GREB1L: variants seen among roughly 807,000 people sequenced by gnomAD.
GREB1L encodes the protein GREB1-like protein.
In GREB1L, 17 loss-of-function variants were observed where a neutral mutation model predicts 200.8. The ratio of observed to expected loss-of-function variants is 0.08; its 90% CI spans 0.06 to 0.13. The LOEUF (loss-of-function observed/expected upper bound fraction) is 0.13, where lower values mean the gene tolerates loss of function less well. GREB1L is among the 10% of genes least tolerant of loss of function. The probability of loss-of-function intolerance (pLI) is 1.00; values close to 1 mark genes in which losing one functional copy is unlikely to be tolerated. For synonymous variants in GREB1L, 789 were observed against 893.0 expected (o/e 0.88, Z 2.08); for missense variants, 1,657 against 2,367.7 (o/e 0.70, Z 6.23).
At position 21,477,374 on chromosome 18, in the gene GREB1L, T is replaced by G. The variant is rs1355577768; in HGVS notation, c.2556+18T>G. On this transcript the variant is annotated intron_variant, in intron 17 of 32. Coordinates refer to ENST00000424526, the MANE Select transcript of GREB1L (RefSeq NM_001142966.3). The stretch of plus-strand genomic sequence containing the variant: ...ATACTGGGGTGAGTCTCTTGCCTGC[T>G]GTCTGATACACTGTCATGTTCTCAG... 2 of 1,523,572 alleles carry G rather than the reference T, an allele frequency of 1.3e-6. No homozygotes were observed. The highest frequency in any genetic ancestry group is 2.5e-5 in the East Asian group (1 of 40,520). The allele number at this position is 1,523,572 out of a possible 1,614,324, so 94.4% of individuals were successfully genotyped here. A position where few individuals can be genotyped will look rare whatever the true frequency, so the allele number is the denominator to read the frequency against.
intron 15 of GREB1L, among the ~76,000 whole-genome samples, chr18:21,465,644 T>C (rs2035235142): frequency 6.6e-6 from 1 of 152,190 alleles, no homozygotes; most frequent in Admixed American, 6.6e-5. Flanking sequence ...CAAAATAGAA[T>C]GTGAAGTTAA....
At chr18:21,459,784 A>G (rs1000767636) in intron 15 of GREB1L, among the ~76,000 whole-genome samples, 2 of 152,228 alleles carry the variant, frequency 1.3e-5, no homozygotes, top group Non-Finnish European at 2.9e-5. Flanking sequence ...ACTAAGACAC[A>G]GGGAACAGGT....
chr18:21,315,299 C>T lies in GREB1L; in HGVS notation c.-119-50728C>T, dbSNP rs142290137. On this transcript the variant is annotated intron_variant, in intron 1 of 32. Transcript: ENST00000424526. The stretch of plus-strand genomic sequence containing the variant: ...AGAGATGGGGTTTCACTATGTTGCG[C>T]AGGCTGGTCTTGAATTCCTAGGCTC... Among the ~76,000 whole-genome samples the T allele has an allele frequency of 1.1e-3, 164 of 152,200 alleles. No individual in the cohort carries two copies. The Middle Eastern group carries it at 0.014, about 13-fold the overall frequency.
chr18:21,432,888 G>T (rs541159757), intron 7 of GREB1L, among the ~76,000 whole-genome samples: 12 of 151,688 alleles, frequency 7.9e-5, no homozygotes, highest in African/African-American at 2.7e-4. Flanking sequence ...TGTATTTTTA[G>T]TAGGGACGAG....
intron 17 of GREB1L, among the ~76,000 whole-genome samples, chr18:21,485,097 G>T (rs1419359957): frequency 2.6e-5 from 4 of 152,120 alleles, no homozygotes; most frequent in African/African-American, 9.7e-5. Context: ...TCAAGAGGGG[G>T]CTACGTTAAA....
chr18:21,384,329 A>C lies in GREB1L; in HGVS notation c.281A>C (p.Glu94Ala), dbSNP rs1313457726. The change falls in exon 4 of 33, where the codon GAA becomes GCA. Residue 94 changes from glutamate (E) to alanine (A), a missense_variant. Physicochemically the swap from Glu to Ala is moderately radical, Grantham distance 107. Transcript: ENST00000424526. ...ATGGAAGATGATGAAGACGATGAAG[A>C]AATGTCTGATTCAAACAGCCCACCA... is the stretch of plus-strand genomic sequence containing the variant. ...NEMEDDEDDE[E>A]MSDSNSPPIP... 6.4e-7 allele frequency: 1 copy of C among 1,551,840 alleles called. No homozygotes were observed. Among genetic ancestry groups the C allele is most frequent in the South Asian group, 1.2e-5 (1 of 84,060 alleles).
chr18:21,348,134 A>G (rs2039379320), intron 1 of GREB1L, among the ~76,000 whole-genome samples: 1 of 151,346 alleles, frequency 6.6e-6, no homozygotes. Context: ...TTTATTAGAG[A>G]CGGGGTTTCA....
At position 21,485,557 on chromosome 18, in the gene GREB1L, T is replaced by G. The variant is rs1408577407; in HGVS notation, c.2557-63T>G. ...GCGGTCATTTCTGTAAACCCCACTT[T>G]CTGGAAAACAAGACACACTGTATCC... is the stretch of plus-strand genomic sequence containing the variant. On this transcript the variant is annotated intron_variant, in intron 17 of 32. Coordinates refer to ENST00000424526, the MANE Select transcript of GREB1L (RefSeq NM_001142966.3). 9.0e-6 allele frequency: 13 copies of G among 1,445,992 alleles called. No homozygotes were observed. In the Admixed American group the frequency reaches 1.0e-4, roughly 11 times the overall value. 89.6% of individuals were successfully genotyped at this position (1,445,992 alleles called of 1,614,324 possible). A position where few individuals can be genotyped will look rare whatever the true frequency, so the allele number is the denominator to read the frequency against.
rs556480623 is a variant in GREB1L at position 21,413,269 on chromosome 18, C to A, written c.832+9275C>A. Among the ~76,000 whole-genome samples the A allele has an allele frequency of 1.1e-4, 16 of 152,310 alleles. No homozygotes were observed. In the East Asian group the frequency reaches 2.9e-3, roughly 28 times the overall value. On this transcript the variant is annotated intron_variant, in intron 7 of 32. Coordinates refer to ENST00000424526, the MANE Select transcript of GREB1L (RefSeq NM_001142966.3). Reference sequence around the variant, plus strand: ...CTTTGTTTCCATTTCCCCCAGGACTCCTCCTCTGTCCCTGATGATGGCTGT... The same window carrying A: ...CTTTGTTTCCATTTCCCCCAGGACTACTCCTCTGTCCCTGATGATGGCTGT...
At chr18:21,505,972 G>C in intron 25 of GREB1L, 23 bp downstream of exon 25, 1 of 1,544,720 alleles carries the variant, frequency 6.5e-7, no homozygotes, top group South Asian at 1.2e-5. Context: ...CTTCGCCCTC[G>C]CCCTCTGTCA....
intron 15 of GREB1L, among the ~76,000 whole-genome samples, chr18:21,459,484 C>A (rs1405996351): frequency 6.6e-6 from 1 of 151,700 alleles, no homozygotes; most frequent in Non-Finnish European, 1.5e-5. Context: ...CAGGGTTTCA[C>A]CATGTTGGCC....
chr18:21,353,175 C>G (rs866971551), intron 1 of GREB1L, among the ~76,000 whole-genome samples: 2 of 147,098 alleles, frequency 1.4e-5, no homozygotes, highest in East Asian at 4.0e-4. Context: ...AAGTGAGACT[C>G]TGTCTCAAAA....
At chr18:21,281,552 A>C (rs776057161) in intron 1 of GREB1L, among the ~76,000 whole-genome samples, 1 of 152,386 alleles carries the variant, frequency 6.6e-6, no homozygotes, top group South Asian at 2.1e-4. Context: ...AGGTAATAGA[A>C]GCTAATTGGC....
chr18:21,505,221 A>G (rs2036965146), intron 23 of GREB1L, among the ~76,000 whole-genome samples, 191 bp from the exon 24 acceptor site: 2 of 152,232 alleles, frequency 1.3e-5, no homozygotes, highest in African/African-American at 4.8e-5. Context: ...GCTGGGGGCC[A>G]GTGAGGGCAA....
chr18:21,490,440 T>A, intron 19 of GREB1L, 89 bp downstream of exon 19: 3 of 1,047,358 alleles, frequency 2.9e-6, no homozygotes, highest in Non-Finnish European at 4.2e-6. Context: ...GGCCTGAGTT[T>A]AATAGAATCA....
At chr18:21,288,103 T>G (rs921218738) in intron 1 of GREB1L, among the ~76,000 whole-genome samples, 1 of 152,114 alleles carries the variant, frequency 6.6e-6, no homozygotes, top group African/African-American at 2.4e-5. Flanking sequence ...GCGCCTGGCT[T>G]AAAAATCATT....
chr18:21,246,865 C>T (rs1318970142), intron 1 of GREB1L, among the ~76,000 whole-genome samples: 3 of 152,120 alleles, frequency 2.0e-5, no homozygotes, highest in African/African-American at 7.2e-5. Flanking sequence ...AGGAATGCTT[C>T]TCAAAACTTG....
intron 14 of GREB1L, 73 bp from the exon 15 acceptor site, chr18:21,454,293 C>A: frequency 1.1e-6 from 1 of 950,752 alleles, no homozygotes; most frequent in South Asian, 1.5e-5. Flanking sequence ...TGGTATGTGT[C>A]CTCATAGAGA....
intron 15 of GREB1L, among the ~76,000 whole-genome samples, chr18:21,455,681 AAAAAAAAC>A (rs932016126): frequency 1.3e-5 from 2 of 151,872 alleles, no homozygotes; most frequent in African/African-American, 4.8e-5. Flanking sequence ...TCTCCCAAAA[AAAAAAAAC>A]AAAAAAACAA....
Sources: allele counts gnomAD v4.1 joint callset (sites outside exome capture counted in the v4.1 genomes callset), GRCh38; gene constraint gnomAD v4.1.1; transcripts MANE v1.5; gene names NCBI Gene and HGNC (gene_info 2026-07-23, HGNC 2026-07-21).